PRKCI: variants seen among roughly 807,000 people sequenced by gnomAD.
PRKCI encodes the protein protein kinase C iota type.
A neutral mutation model predicts 84.0 loss-of-function variants in PRKCI; 43 were observed. The ratio of observed to expected loss-of-function variants is 0.51; its 90% CI spans 0.40 to 0.66. The LOEUF is 0.66. Ranked by LOEUF, PRKCI falls within the 30% of genes least tolerant of loss-of-function variation. PRKCI has a pLI of 0.00. For synonymous variants in PRKCI, 216 were observed against 234.4 expected, an observed-to-expected ratio of 0.92 and a Z score of 0.72; for missense variants, 459 against 745.6, an observed-to-expected ratio of 0.62 and a Z score of 4.48.
intron 1 of PRKCI, among the ~76,000 whole-genome samples, chr3:170,226,263 T>C (rs1472037910): frequency 1.3e-5 from 2 of 152,172 alleles, no homozygotes; most frequent in Non-Finnish European, 2.9e-5. Flanking sequence ...AAAATTCAAT[T>C]TTATTGGACA....
At chr3:170,269,161 C>T (rs780258769) in intron 5 of PRKCI, among the ~76,000 whole-genome samples, 19 of 152,252 alleles carry the variant, frequency 1.2e-4, no homozygotes, top group Non-Finnish European at 2.2e-4. Flanking sequence ...GTGATCCGTC[C>T]GCCTCGGCCT....
rs148101135 is a variant in PRKCI at position 170,240,063 on chromosome 3, A to G, written c.223+4712A>G. Among the ~76,000 whole-genome samples, 60 of 152,246 alleles carry G rather than the reference A, an allele frequency of 3.9e-4. 1 individual carries two copies. The East Asian group carries it at 0.01, about 26-fold the overall frequency. On this transcript the variant is annotated intron_variant, in intron 2 of 17. Coordinates refer to ENST00000295797, the MANE Select transcript of PRKCI (RefSeq NM_002740.6). ...TATAGTCTCAGCTACTCAAAAAGCTAAGGTGGAAGGATTGCTTGAGCATGG... is the reference window on the plus strand; with the variant it reads ...TATAGTCTCAGCTACTCAAAAAGCTGAGGTGGAAGGATTGCTTGAGCATGG...
intron 12 of PRKCI, 104 bp downstream of exon 12, chr3:170,284,700 ATTTAC>A (rs1450925263): frequency 2.5e-5 from 33 of 1,338,646 alleles, no homozygotes; most frequent in East Asian, 1.2e-4. Flanking sequence ...AATTTTGCTA[ATTTAC>A]TTAAGCTTTG....
intron 2 of PRKCI, among the ~76,000 whole-genome samples, chr3:170,253,043 G>A (rs887823490): frequency 3.9e-5 from 6 of 152,250 alleles, no homozygotes; most frequent in African/African-American, 1.2e-4. Context: ...TGTTGCAAGT[G>A]ACAGGATCTC....
At chr3:170,274,712 C>G (rs1439439679) in intron 7 of PRKCI, among the ~76,000 whole-genome samples, 1 of 151,898 alleles carries the variant, frequency 6.6e-6, no homozygotes, top group African/African-American at 2.4e-5. Context: ...CTATGAAATG[C>G]AGGCTCTTTT....
At chr3:170,235,204 A>G in intron 1 of PRKCI, 26 bp from the exon 2 acceptor site, 1 of 1,606,206 alleles carries the variant, frequency 6.2e-7, no homozygotes, top group African/African-American at 1.3e-5. Context: ...ATCATTTTCA[A>G]ACTGAAAACT....
chr3:170,274,704 A>G (rs768844352), intron 7 of PRKCI, among the ~76,000 whole-genome samples: 12 of 152,174 alleles, frequency 7.9e-5, no homozygotes, highest in South Asian at 2.1e-4. Context: ...GATCAACTCT[A>G]TGAAATGCAG....
rs572334701 is a variant in PRKCI, at chr3:170,225,003, T to G, written c.101+2233T>G. Among the ~76,000 whole-genome samples, 5 of 152,370 alleles carry G rather than the reference T, an allele frequency of 3.3e-5. No homozygotes were observed. In the East Asian group the frequency reaches 9.6e-4, roughly 29 times the overall value. ...AGAAGAAATCAAAGTCTTGCTGTAC[T>G]TCATGAATTTAGATAGCAAATTATC... On this transcript the variant is annotated intron_variant, in intron 1 of 17. Transcript: ENST00000295797.
chr3:170,292,005 A>G, intron 13 of PRKCI, 64 bp downstream of exon 13: 1 of 1,120,234 alleles, frequency 8.9e-7, no homozygotes, highest in Non-Finnish European at 1.4e-6. Flanking sequence ...TGTGGTACCA[A>G]TTGCATTACA....
At chr3:170,291,790 GA>G (rs1734559976) in intron 12 of PRKCI, 63 bp from the exon 13 acceptor site, 1 of 1,293,052 alleles carries the variant, frequency 7.7e-7, no homozygotes, top group Admixed American at 1.7e-5. Context: ...AGGTGAAATA[GA>G]AAGGGTGAAT....
In PRKCI at chr3:170,270,596, TAA is replaced by T. The variant is rs926818394; in HGVS notation, c.591+36_591+37del. 8 of 1,507,398 alleles carry T rather than the reference TAA, an allele frequency of 5.3e-6. No homozygotes were observed. In the African/African-American group the frequency reaches 1.1e-4, roughly 21 times the overall value. The allele number at this position is 1,507,398 out of a possible 1,614,324, so 93.4% of individuals were successfully genotyped here. On this transcript the variant is annotated intron_variant, in intron 6 of 17. Coordinates refer to ENST00000295797, the MANE Select transcript of PRKCI (RefSeq NM_002740.6). ...CTGTCCTTTTTTTTTTTTTTTTTTT[TAA>T]GAGCGTGCTTGATAACACTGCTATA...
chr3:170,293,602 T>G, intron 14 of PRKCI, 94 bp downstream of exon 14: 1 of 1,353,966 alleles, frequency 7.4e-7, no homozygotes. Flanking sequence ...GTAAGAAAAA[T>G]GAGCATAATC....
chr3:170,224,631 C>G (rs528903981), intron 1 of PRKCI, among the ~76,000 whole-genome samples: 1 of 152,216 alleles, frequency 6.6e-6, no homozygotes, highest in Non-Finnish European at 1.5e-5. Context: ...TCAAGCAATT[C>G]GCCTGCCTCA....
intron 8 of PRKCI, among the ~76,000 whole-genome samples, chr3:170,277,909 TC>T (rs1734157228): frequency 6.6e-6 from 1 of 152,192 alleles, no homozygotes; most frequent in South Asian, 2.1e-4. Flanking sequence ...TGTTTTTCTT[TC>T]CTTCCTACGT....
intron 1 of PRKCI, among the ~76,000 whole-genome samples, chr3:170,231,704 A>G (rs1732798984): frequency 6.6e-6 from 1 of 152,134 alleles, no homozygotes; most frequent in African/African-American, 2.4e-5. Context: ...ACCTCAGGTA[A>G]TCCACCCACC....
At chr3:170,262,033 T>C (rs1168885265) in intron 3 of PRKCI, among the ~76,000 whole-genome samples, 1 of 152,238 alleles carries the variant, frequency 6.6e-6, no homozygotes, top group Non-Finnish European at 1.5e-5. Flanking sequence ...TTTAAAAATA[T>C]GCATTAGGAA....
At chr3:170,248,291 G>A (rs954573666) in intron 2 of PRKCI, among the ~76,000 whole-genome samples, 13 of 151,982 alleles carry the variant, frequency 8.6e-5, no homozygotes, top group African/African-American at 2.4e-4. Context: ...AACTTTTTGA[G>A]GTCTAATGCC....
chr3:170,234,256 C>G (rs1732885095), intron 1 of PRKCI, among the ~76,000 whole-genome samples: 1 of 151,914 alleles, frequency 6.6e-6, no homozygotes, highest in Non-Finnish European at 1.5e-5. Context: ...GTCTCGAACT[C>G]CCAACCTCAG....
chr3:170,289,627 C>G (rs971766355), intron 12 of PRKCI, among the ~76,000 whole-genome samples: 70 of 151,880 alleles, frequency 4.6e-4, no homozygotes, highest in African/African-American at 1.6e-3. Flanking sequence ...TACAAAAAGC[C>G]AGAGGCTCGG....
Sources: allele counts gnomAD v4.1 joint callset (sites outside exome capture counted in the v4.1 genomes callset), GRCh38; gene constraint gnomAD v4.1.1; transcripts MANE v1.5; gene names NCBI Gene and HGNC (gene_info 2026-07-23, HGNC 2026-07-21).